The following ENOX2 variants were observed in gnomAD, a reference collection of about 807,000 sequenced individuals.
ENOX2 encodes the protein APK1 antigen.
In ENOX2, 36 loss-of-function variants were observed where a neutral mutation model predicts 45.0. The observed-to-expected ratio is 0.80, with a 90% confidence interval of 0.61 to 1.06. The LOEUF (loss-of-function observed/expected upper bound fraction) is 1.06, where lower values mean the gene tolerates loss of function less well. Among genes scored for constraint, ENOX2 ranks in the 50% least tolerant of loss-of-function variants. The probability of loss-of-function intolerance (pLI) is 0.00; values close to 1 mark genes in which losing one functional copy is unlikely to be tolerated. For missense variants in ENOX2, 423 were observed against 462.5 expected (o/e 0.91, Z 0.78); for synonymous variants, 174 against 152.3 (o/e 1.14, Z -1.05).
intron 12 of ENOX2, among the ~76,000 whole-genome samples, chrX:130,632,436 CAGACCTTTCA>C (rs1160250548): frequency 9.4e-6 from 1 of 106,080 alleles, no homozygotes; most frequent in Non-Finnish European, 1.9e-5. Flanking sequence ...AAAATACCTC[CAGACCTTTCA>C]TGGCTCTTTC....
At chrX:130,806,145 C>T (rs185241358) in intron 2 of ENOX2, among the ~76,000 whole-genome samples, 1 of 111,589 alleles carries the variant, frequency 9.0e-6, no homozygotes, top group Admixed American at 9.5e-5. Flanking sequence ...CTCTAGTGTA[C>T]AAAGTTTGGC....
intron 2 of ENOX2, among the ~76,000 whole-genome samples, chrX:130,799,956 T>C (rs970941370): frequency 5.4e-5 from 6 of 111,013 alleles, no homozygotes; most frequent in African/African-American, 1.6e-4. Context: ...AACCAGAACA[T>C]GTAAGGAAGC....
chrX:130,729,251 T>C (rs755132735), intron 3 of ENOX2, among the ~76,000 whole-genome samples: 11 of 112,220 alleles, frequency 9.8e-5, no homozygotes, highest in East Asian at 8.3e-4. Flanking sequence ...GACATATGTA[T>C]AGAAATTTTC....
At chrX:130,682,571 G>A (rs1372649366) in intron 5 of ENOX2, among the ~76,000 whole-genome samples, 5 of 67,706 alleles carry the variant, frequency 7.4e-5, no homozygotes, top group Admixed American at 2.5e-4. Context: ...GTGACAGAGC[G>A]AGACTCCGTC....
chrX:130,782,841 GA>G (rs371965729), intron 3 of ENOX2, among the ~76,000 whole-genome samples: 175 of 98,179 alleles, frequency 1.8e-3, no homozygotes, highest in Middle Eastern at 0.01. Flanking sequence ...ACTCCTTTTG[GA>G]AAAAAAAAAA....
At chrX:130,634,523 C>T (rs767985727) in intron 12 of ENOX2, among the ~76,000 whole-genome samples, 1 of 111,638 alleles carries the variant, frequency 9.0e-6, no homozygotes, top group East Asian at 2.8e-4. Flanking sequence ...ATTGGCTATT[C>T]CTCTCATCTG....
chrX:130,719,582 C>T (rs2038422401), intron 3 of ENOX2, among the ~76,000 whole-genome samples: 2 of 112,233 alleles, frequency 1.8e-5, no homozygotes, highest in Admixed American at 9.4e-5. Flanking sequence ...CAGGCAAACC[C>T]CACATGGCCT....
chrX:130,833,917 T>C, intron 2 of ENOX2, among the ~76,000 whole-genome samples: 1 of 111,564 alleles, frequency 9.0e-6, no homozygotes, highest in South Asian at 3.7e-4. Flanking sequence ...ATTCAACAAA[T>C]GTTCACTGAG....
intron 2 of ENOX2, among the ~76,000 whole-genome samples, chrX:130,821,255 G>A (rs975553807): frequency 3.8e-5 from 4 of 105,455 alleles, no homozygotes; most frequent in South Asian, 8.8e-4. Flanking sequence ...TGTTTACTGC[G>A]GCATTATTCA....
intron 3 of ENOX2, among the ~76,000 whole-genome samples, chrX:130,753,189 G>A (rs981421138): frequency 9.2e-6 from 1 of 108,657 alleles, no homozygotes; most frequent in African/African-American, 3.4e-5. Flanking sequence ...TCTGCTTCTG[G>A]GTCTTTCTCT....
rs759888177 is a variant in ENOX2 at position 130,674,365 on chromosome X, GAA to G, written c.461-4169_461-4168del. Among the ~76,000 whole-genome samples the G allele has an allele frequency of 4.3e-3, 388 of 89,242 alleles. 2 individuals are homozygous for G. Among genetic ancestry groups the G allele is most frequent in the African/African-American group, 0.015 (373 of 24,626 alleles). 77.5% of individuals were successfully genotyped at this position (89,242 alleles called of 115,157 possible). A position where few individuals can be genotyped will look rare whatever the true frequency, so the allele number is the denominator to read the frequency against. The stretch of plus-strand genomic sequence containing the variant: ...ATAAAATACAGAAAGAAAAAAGACT[GAA>G]AAAAAAAAAAAGAACAGAATAGCAG... On this transcript the variant is annotated intron_variant, in intron 6 of 14. Coordinates refer to ENST00000394363, the MANE Select transcript of ENOX2 (RefSeq NM_006375.4).
intron 4 of ENOX2, among the ~76,000 whole-genome samples, chrX:130,689,391 A>G (rs1043725851): frequency 5.4e-5 from 6 of 111,540 alleles, no homozygotes; most frequent in Admixed American, 1.9e-4. Flanking sequence ...ACGGTACAGC[A>G]TGATATTAAG....
At chrX:130,641,627 T>C (rs917443367) in intron 10 of ENOX2, among the ~76,000 whole-genome samples, 2 of 101,217 alleles carry the variant, frequency 2.0e-5, no homozygotes, top group Admixed American at 2.3e-4. Context: ...TGAGGCAGGA[T>C]AATCGTTTGA....
chrX:130,864,114 G>T (rs1242469165), intron 2 of ENOX2, among the ~76,000 whole-genome samples: 1 of 110,112 alleles, frequency 9.1e-6, no homozygotes, highest in Non-Finnish European at 1.9e-5. Flanking sequence ...TCATATAGGT[G>T]TGAGTGTATA....
At chrX:130,895,503 T>G (rs1307466067) in intron 2 of ENOX2, among the ~76,000 whole-genome samples, 1 of 112,156 alleles carries the variant, frequency 8.9e-6, no homozygotes, top group Non-Finnish European at 1.9e-5. Flanking sequence ...TAAAGCAATG[T>G]TGTTCTCTGA....
At chrX:130,683,386 GATTGGAAAA>G (rs1397458350) in intron 5 of ENOX2, among the ~76,000 whole-genome samples, 3 of 112,116 alleles carry the variant, frequency 2.7e-5, no homozygotes, top group Non-Finnish European at 5.6e-5. Flanking sequence ...AATCCCAACT[GATTGGAAAA>G]ATTAGAAGGC....
chrX:130,707,858 T>G (rs1339363785), intron 3 of ENOX2, among the ~76,000 whole-genome samples: 2 of 112,171 alleles, frequency 1.8e-5, no homozygotes, highest in Non-Finnish European at 3.8e-5. Flanking sequence ...AGTCTAACTC[T>G]ACTACTTAGC....
chrX:130,690,657 C>G (rs1333758108), intron 4 of ENOX2, among the ~76,000 whole-genome samples: 1 of 111,808 alleles, frequency 8.9e-6, no homozygotes, highest in Non-Finnish European at 1.9e-5. Flanking sequence ...TGCCTGTACA[C>G]ATGTCCTTAA....
chrX:130,746,644 C>A (rs1337046331), intron 3 of ENOX2, among the ~76,000 whole-genome samples: 1 of 112,196 alleles, frequency 8.9e-6, no homozygotes, highest in Non-Finnish European at 1.9e-5. Flanking sequence ...AAACTCCCTA[C>A]CACAAAGGAA....
Sources: allele counts gnomAD v4.1 joint callset (sites outside exome capture counted in the v4.1 genomes callset), GRCh38; gene constraint gnomAD v4.1.1; transcripts MANE v1.5; gene names NCBI Gene and HGNC (gene_info 2026-07-23, HGNC 2026-07-21).